APBA1: variants seen among roughly 807,000 people sequenced by gnomAD.
APBA1 encodes the protein amyloid-beta A4 precursor protein-binding family A member 1.
Under a neutral mutation model 86.6 loss-of-function variants are expected in APBA1, and 55 were observed. The observed-to-expected ratio is 0.64, with a 90% CI of 0.51 to 0.80. The LOEUF (loss-of-function observed/expected upper bound fraction) is 0.80, where lower values mean the gene tolerates loss of function less well. Ranked by LOEUF, APBA1 falls within the 30% of genes least tolerant of loss-of-function variation. APBA1 has a pLI of 0.00. For missense variants in APBA1, 1,090 were observed against 1,183.0 expected (o/e 0.92, Z 1.15); for synonymous variants, 511 against 493.9 (o/e 1.03, Z -0.46).
chr9:69,577,656 T>G (rs1460878201), intron 1 of APBA1, among the ~76,000 whole-genome samples: 1 of 152,108 alleles, frequency 6.6e-6, no homozygotes, highest in East Asian at 1.9e-4. Context: ...AGAAATGCAA[T>G]CATCACTATA....
At chr9:69,488,381 CTCTGT>C (rs1488993306) in intron 2 of APBA1, among the ~76,000 whole-genome samples, 4 of 151,990 alleles carry the variant, frequency 2.6e-5, no homozygotes, top group Admixed American at 6.5e-5. Context: ...AGTACTACTT[CTCTGT>C]TCTAAGAATT....
intron 1 of APBA1, among the ~76,000 whole-genome samples, chr9:69,633,069 T>C (rs1588403306): frequency 1.3e-5 from 2 of 151,596 alleles, no homozygotes; most frequent in African/African-American, 4.8e-5. Context: ...TGTGCAGGGT[T>C]TGAGAATCTT....
intron 9 of APBA1, among the ~76,000 whole-genome samples, chr9:69,451,475 C>T (rs1412700753): frequency 2.6e-5 from 4 of 152,180 alleles, no homozygotes; most frequent in Non-Finnish European, 4.4e-5. Context: ...AGATCTCAGG[C>T]CCATCTATCT....
chr9:69,523,552 CA>C (rs1274335528), intron 1 of APBA1, among the ~76,000 whole-genome samples: 1 of 124,250 alleles, frequency 8.0e-6, no homozygotes, highest in Non-Finnish European at 1.7e-5. Context: ...CACACACACA[CA>C]CCCAACATTA....
intron 1 of APBA1, among the ~76,000 whole-genome samples, chr9:69,586,402 C>T (rs1404973063): frequency 1.3e-5 from 2 of 152,162 alleles, no homozygotes; most frequent in Admixed American, 1.3e-4. Flanking sequence ...GGTCTCAACA[C>T]ATATATTTGT....
intron 1 of APBA1, among the ~76,000 whole-genome samples, chr9:69,521,937 T>G (rs1244144785): frequency 6.6e-6 from 1 of 151,934 alleles, no homozygotes; most frequent in Non-Finnish European, 1.5e-5. Flanking sequence ...TCAAGTGTGG[T>G]GGCATGCTAC....
At chr9:69,489,959 G>A (rs912341162) in intron 2 of APBA1, among the ~76,000 whole-genome samples, 7 of 152,054 alleles carry the variant, frequency 4.6e-5, no homozygotes, top group South Asian at 4.2e-4. Context: ...ATTTGATCCT[G>A]CCATCCCATT....
intron 1 of APBA1, among the ~76,000 whole-genome samples, chr9:69,605,125 C>A (rs998170690): frequency 6.6e-6 from 1 of 152,142 alleles, no homozygotes; most frequent in Admixed American, 6.5e-5. Flanking sequence ...TTCTCCTGCC[C>A]TTTAAAAATA....
intron 11 of APBA1, among the ~76,000 whole-genome samples, chr9:69,440,312 T>C (rs1834793484): frequency 6.6e-6 from 1 of 152,200 alleles, no homozygotes; most frequent in Non-Finnish European, 1.5e-5. Flanking sequence ...TTCAAAGCTG[T>C]CAGACAGGGA....
chr9:69,470,335 T>C (rs931646792), intron 4 of APBA1, among the ~76,000 whole-genome samples: 1 of 152,188 alleles, frequency 6.6e-6, no homozygotes, highest in Admixed American at 6.5e-5. Context: ...TTTCGGAACA[T>C]GGTTTCCCTT....
chr9:69,629,060 C>G (rs968775609), intron 1 of APBA1, among the ~76,000 whole-genome samples: 3 of 152,046 alleles, frequency 2.0e-5, no homozygotes, highest in African/African-American at 7.2e-5. Context: ...ACGTAAGATT[C>G]CTTGTAGAAA....
At chr9:69,525,156 CT>C (rs1836322037) in intron 1 of APBA1, among the ~76,000 whole-genome samples, 2 of 152,252 alleles carry the variant, frequency 1.3e-5, no homozygotes, top group East Asian at 3.9e-4. Flanking sequence ...GAAGCATTAC[CT>C]TTGAGAACTG....
chr9:69,567,593 C>T (rs1035248172), intron 1 of APBA1, among the ~76,000 whole-genome samples: 2 of 151,942 alleles, frequency 1.3e-5, no homozygotes, highest in African/African-American at 4.8e-5. Context: ...CCACAACAGG[C>T]CCCGGTGTGT....
intron 8 of APBA1, among the ~76,000 whole-genome samples, chr9:69,453,316 G>A (rs2133811092): frequency 1.3e-5 from 2 of 152,268 alleles, no homozygotes; most frequent in Middle Eastern, 6.8e-3. Context: ...ACTCTGACTG[G>A]TCCAACCCTG....
chr9:69,538,716 C>T (rs778383177), intron 1 of APBA1, among the ~76,000 whole-genome samples: 1 of 152,214 alleles, frequency 6.6e-6, no homozygotes, highest in Non-Finnish European at 1.5e-5. Flanking sequence ...CTTCTATAAA[C>T]TGCCCAGACT....
chr9:69,516,349 T>A lies in APBA1; in HGVS notation c.862A>T (p.Lys288Ter). 1 of 1,598,224 alleles carries A rather than the reference T, an allele frequency of 6.3e-7. No homozygotes were observed. Among genetic ancestry groups the A allele is most frequent in the Non-Finnish European group, 8.5e-7 (1 of 1,177,610 alleles). ...GCCTCAGGCATGTCCTCGGCTGCCT[T>A]GTCGAGGCTCTGCGAGCTCATGCTC... ...KQSMSSQSLD[K>*]AAEDMPEAEQ... The change falls in exon 2 of 13, where the codon AAG (lysine) becomes TAG (stop). Residue 288 changes from lysine (K) to a stop codon, truncating the protein, a stop_gained. Transcript: ENST00000265381. LOFTEE classifies it high-confidence loss of function. The surrounding 1 kb of genome is among the most constrained non-coding windows in gnomAD (Gnocchi z 7.3).
intron 1 of APBA1, among the ~76,000 whole-genome samples, chr9:69,637,840 G>A (rs1823212252): frequency 6.6e-6 from 1 of 152,208 alleles, no homozygotes; most frequent in East Asian, 1.9e-4. Flanking sequence ...GCTGGATCAT[G>A]CCCAACACTG....
chr9:69,482,711 T>C (rs1835535544), intron 2 of APBA1, among the ~76,000 whole-genome samples: 1 of 151,808 alleles, frequency 6.6e-6, no homozygotes, highest in Non-Finnish European at 1.5e-5. Context: ...TAGCAAAGAC[T>C]TGGAACCAAC....
chr9:69,441,606 T>G (rs1272808004), intron 10 of APBA1, among the ~76,000 whole-genome samples: 1 of 152,186 alleles, frequency 6.6e-6, no homozygotes, highest in African/African-American at 2.4e-5. Flanking sequence ...TCATGGCTCT[T>G]TTCTCTTGTC....
Sources: allele counts gnomAD v4.1 joint callset (sites outside exome capture counted in the v4.1 genomes callset), GRCh38; gene constraint gnomAD v4.1.1; non-coding constraint Gnocchi (gnomAD v3.1); transcripts MANE v1.5; gene names NCBI Gene and HGNC (gene_info 2026-07-23, HGNC 2026-07-21).